ZNF92: variants seen among roughly 807,000 people sequenced by gnomAD.
ZNF92 encodes epididymis luminal protein 203.
Under a neutral mutation model 12.4 loss-of-function variants are expected in ZNF92, and 11 were observed. The observed-to-expected ratio is 0.89, with a 90% CI of 0.56 to 1.47. ZNF92 has a LOEUF of 1.47. Ranked by LOEUF, ZNF92 falls within the 40% of genes most tolerant of loss-of-function variation. The probability of loss-of-function intolerance (pLI) is 0.00; values close to 1 mark genes in which losing one functional copy is unlikely to be tolerated. For synonymous variants in ZNF92, 206 were observed against 228.6 expected (o/e 0.90, Z 0.89); for missense variants, 622 against 681.0 (o/e 0.91, Z 0.96).
At chr7:65,398,111 T>G (rs1793890330) in intron 3 of ZNF92, among the ~76,000 whole-genome samples, 1 of 152,178 alleles carries the variant, frequency 6.6e-6, no homozygotes, top group Non-Finnish European at 1.5e-5. Flanking sequence ...CTCTTTGCAT[T>G]GTTCTCACCT....
chr7:65,378,870 G>A (rs1313787935), intron 1 of ZNF92, among the ~76,000 whole-genome samples: 1 of 152,160 alleles, frequency 6.6e-6, no homozygotes, highest in Non-Finnish European at 1.5e-5. Flanking sequence ...CACCATCTAA[G>A]TCATAATGGT....
chr7:65,396,065 A>G (rs539614016), intron 3 of ZNF92, among the ~76,000 whole-genome samples: 1 of 151,112 alleles, frequency 6.6e-6, no homozygotes, highest in Admixed American at 6.6e-5. Context: ...GGCATGTGCC[A>G]TCATACCCAG....
chr7:65,388,749 A>T, intron 2 of ZNF92, 57 bp from the exon 3 acceptor site: 2 of 1,393,500 alleles, frequency 1.4e-6, no homozygotes, highest in Admixed American at 3.6e-5. Flanking sequence ...GCATATTACT[A>T]TGTTGGTAAT....
intron 1 of ZNF92, among the ~76,000 whole-genome samples, chr7:65,385,574 T>C (rs773247558): frequency 6.6e-6 from 1 of 152,136 alleles, no homozygotes; most frequent in Non-Finnish European, 1.5e-5. Flanking sequence ...GCAAAAATTG[T>C]TGGTGTCTGT....
At chr7:65,395,016 A>C (rs1793810779) in intron 3 of ZNF92, among the ~76,000 whole-genome samples, 1 of 152,116 alleles carries the variant, frequency 6.6e-6, no homozygotes, top group Non-Finnish European at 1.5e-5. Flanking sequence ...ATTTCTTTTA[A>C]TTCCTAGTTT....
chr7:65,381,759 C>T (rs2116348998), intron 1 of ZNF92, among the ~76,000 whole-genome samples: 1 of 152,104 alleles, frequency 6.6e-6, no homozygotes, highest in East Asian at 1.9e-4. Context: ...ATAGTGCTAG[C>T]TATTTATTAC....
At chr7:65,387,652 TATC>T (rs1489583194) in intron 1 of ZNF92, among the ~76,000 whole-genome samples, 1 of 152,128 alleles carries the variant, frequency 6.6e-6, no homozygotes, top group Non-Finnish European at 1.5e-5. Context: ...TTTTATACTT[TATC>T]ATCCAGAAAA....
In ZNF92 at chr7:65,399,237, G is replaced by A. The variant is rs1291481771; in HGVS notation, c.1123G>A (p.Gly375Ser). The A allele has an allele frequency of 6.2e-7, 1 of 1,613,090 alleles. No homozygotes were observed. The highest frequency in any genetic ancestry group is 1.7e-5 in the Admixed American group (1 of 59,952). ...GAAACCCTACAAATGTGATGAATGT[G>A]GCAAAGCCTTTAACCAGTCCTCAAC... ...GEKPYKCDEC[G>S]KAFNQSSTLT... is the part of the protein sequence containing the mutation. Residue 375 changes from glycine (G) to serine (S), a missense_variant, in exon 4 of 4, where the codon GGC becomes AGC. Transcript: ENST00000328747.
chr7:65,373,972 C>G lies in ZNF92; in HGVS notation c.-26C>G, dbSNP rs371115595. ...AGAACTTGGAGGTTCACAGCTAAGA[C>G]GCCAGGACCCCCTGGAAGCCTAGAA... On this transcript the variant is annotated 5_prime_UTR_variant, in exon 1 of 4. Transcript: ENST00000328747. The G allele has an allele frequency of 9.9e-6, 16 of 1,614,082 alleles. No individual in the cohort carries two copies. The South Asian group carries it at 1.3e-4, about 13-fold the overall frequency.
In ZNF92 at chr7:65,400,584, TTA is replaced by T. The variant is rs1793988154; in HGVS notation, c.*710_*711del. ...CTGATACTTCAGACATTACACTAAA[TTA>T]GAGTGTTGAGTATAGGAGATCCAAA... On this transcript the variant is annotated 3_prime_UTR_variant, in exon 4 of 4. Coordinates refer to ENST00000328747, the MANE Select transcript of ZNF92 (RefSeq NM_152626.4). 6.6e-6 allele frequency: 1 copy of T among 151,922 alleles called. No homozygotes were observed. Among genetic ancestry groups the T allele is most frequent in the Admixed American group, 6.6e-5 (1 of 15,250 alleles). 9.4% of individuals were successfully genotyped at this position (151,922 alleles called of 1,614,324 possible).
chr7:65,374,033 G>A, intron 1 of ZNF92, 33 bp downstream of exon 1: 2 of 1,614,032 alleles, frequency 1.2e-6, no homozygotes, highest in Non-Finnish European at 1.7e-6. Flanking sequence ...CCCGAGAGAG[G>A]GGGAGGGTCT....
At chr7:65,384,369 T>C (rs999467454) in intron 1 of ZNF92, among the ~76,000 whole-genome samples, 16 of 152,132 alleles carry the variant, frequency 1.1e-4, no homozygotes, top group Admixed American at 6.5e-4. Flanking sequence ...TTTGGAGGCC[T>C]TATTGAAGTC....
intron 1 of ZNF92, among the ~76,000 whole-genome samples, chr7:65,381,011 C>CT (rs1408180049): frequency 2.0e-5 from 3 of 151,596 alleles, no homozygotes; most frequent in South Asian, 2.1e-4. Flanking sequence ...TATGCTTTCT[C>CT]TTTTTTTTCT....
rs1011669522 is a variant in ZNF92 at position 65,388,961 on chromosome 7, G to T, written c.226+60G>T. On this transcript the variant is annotated intron_variant, in intron 3 of 3. Transcript: ENST00000328747. ...GAGAGGTCCAAAAGTCAAGGAGAAG[G>T]CCAGTCATTTTTTCTTAGTCGGAGT... The T allele has an allele frequency of 1.5e-5, 21 of 1,404,212 alleles. No homozygotes were observed. The South Asian group carries it at 2.2e-4, about 15-fold the overall frequency. The allele number at this position is 1,404,212 out of a possible 1,614,324, so 87.0% of individuals were successfully genotyped here.
chr7:65,382,504 G>A (rs1233707639), intron 1 of ZNF92, among the ~76,000 whole-genome samples: 1 of 152,004 alleles, frequency 6.6e-6, no homozygotes, highest in Non-Finnish European at 1.5e-5. Flanking sequence ...AGGCAGAATC[G>A]TGCCTCTGCC....
chr7:65,385,373 T>A (rs1179898692), intron 1 of ZNF92, among the ~76,000 whole-genome samples: 1 of 152,106 alleles, frequency 6.6e-6, no homozygotes, highest in Non-Finnish European at 1.5e-5. Flanking sequence ...TCTGTTCTAT[T>A]GTTCTGGAAA....
At chr7:65,384,864 C>T (rs1267184534) in intron 1 of ZNF92, among the ~76,000 whole-genome samples, 2 of 152,156 alleles carry the variant, frequency 1.3e-5, no homozygotes, top group African/African-American at 4.8e-5. Flanking sequence ...TAGCAGTACT[C>T]TGTAACATAC....
chr7:65,374,894 C>T (rs994791582), intron 1 of ZNF92, among the ~76,000 whole-genome samples: 1 of 152,088 alleles, frequency 6.6e-6, no homozygotes, highest in African/African-American at 2.4e-5. Context: ...TTAATTCTGG[C>T]TTGCAGTAAA....
In ZNF92 at chr7:65,400,065, AC is replaced by A; in HGVS notation, c.*192del. The A allele has an allele frequency of 1.9e-6, 1 of 513,902 alleles. No homozygotes were observed. The highest frequency in any genetic ancestry group is 3.3e-6 in the Non-Finnish European group (1 of 301,030). 31.8% of individuals were successfully genotyped at this position (513,902 alleles called of 1,614,324 possible). A position where few individuals can be genotyped will look rare whatever the true frequency, so the allele number is the denominator to read the frequency against. On this transcript the variant is annotated 3_prime_UTR_variant, in exon 4 of 4. Coordinates refer to ENST00000328747, the MANE Select transcript of ZNF92 (RefSeq NM_152626.4). ...TGGCAAACTTTTAACCAATCCTCAC[AC>A]CTTATTGCACAGGAAAGCATTTATA... is the stretch of plus-strand genomic sequence containing the variant.
Sources: allele counts gnomAD v4.1 joint callset (sites outside exome capture counted in the v4.1 genomes callset), GRCh38; gene constraint gnomAD v4.1.1; transcripts MANE v1.5; gene names NCBI Gene and HGNC (gene_info 2026-07-23, HGNC 2026-07-21).